Variants in ZMYND12 observed in about 807,000 individuals in gnomAD.
The protein encoded by ZMYND12 is zinc finger MYND domain-containing protein 12.
A neutral mutation model predicts 41.7 loss-of-function variants in ZMYND12; 32 were observed. That is an observed-to-expected ratio of 0.77 (90% CI 0.58 to 1.03). The LOEUF (loss-of-function observed/expected upper bound fraction) is 1.03, where lower values mean the gene tolerates loss of function less well. Ranked by LOEUF, ZMYND12 falls within the 50% of genes least tolerant of loss-of-function variation. ZMYND12 has a pLI of 0.00. For missense variants in ZMYND12, 424 were observed against 438.5 expected, an observed-to-expected ratio of 0.97 and a Z score of 0.30; for synonymous variants, 148 against 164.8, an observed-to-expected ratio of 0.90 and a Z score of 0.78.
At chr1:42,453,113 C>A (rs1643099927) in intron 1 of ZMYND12, among the ~76,000 whole-genome samples, 1 of 152,086 alleles carries the variant, frequency 6.6e-6, no homozygotes, top group Non-Finnish European at 1.5e-5. Context: ...ATTCGACCAT[C>A]AAAACCTATA....
In ZMYND12 at chr1:42,439,953, C is replaced by T; in HGVS notation, c.497G>A (p.Cys166Tyr). ...CAGTAAAGAGTGGGTGGCATTACTACAGTCAGTTGATTTGAGGACTGTCCA... is the reference window on the plus strand; with the variant it reads ...CAGTAAAGAGTGGGTGGCATTACTATAGTCAGTTGATTTGAGGACTGTCCA... ...AQWTVLKSTD[C>Y]SNATHSLLHR... is the part of the protein sequence containing the mutation. The change falls in exon 4 of 8, where the codon TGT becomes TAT. Residue 166 changes from cysteine (C) to tyrosine (Y), a missense_variant. Coordinates refer to ENST00000372565, the MANE Select transcript of ZMYND12 (RefSeq NM_032257.5). The T allele has an allele frequency of 6.2e-7, 1 of 1,614,072 alleles. No homozygotes were observed. The highest frequency in any genetic ancestry group is 8.5e-7 in the Non-Finnish European group (1 of 1,180,016).
chr1:42,432,332 GA>G (rs1457489400), intron 7 of ZMYND12, among the ~76,000 whole-genome samples: 4 of 151,988 alleles, frequency 2.6e-5, no homozygotes, highest in Non-Finnish European at 1.5e-5. Context: ...AAAGTACTGG[GA>G]ATACAGTCAT....
intron 3 of ZMYND12, among the ~76,000 whole-genome samples, chr1:42,441,532 A>G (rs115918027): frequency 0.048 from 7,344 of 152,300 alleles, 262 homozygotes; most frequent in East Asian, 0.13. Flanking sequence ...CTATGTAAAT[A>G]GTTGTTCTAC....
chr1:42,454,647 C>T (rs1292339437), intron 1 of ZMYND12, among the ~76,000 whole-genome samples: 2 of 152,124 alleles, frequency 1.3e-5, no homozygotes, highest in African/African-American at 4.8e-5. Flanking sequence ...CACTGTCTAG[C>T]CCTAACCTTT....
chr1:42,440,361 C>A (rs1266712587), intron 3 of ZMYND12, among the ~76,000 whole-genome samples: 1 of 152,138 alleles, frequency 6.6e-6, no homozygotes, highest in East Asian at 1.9e-4. Flanking sequence ...TTTGAAAACA[C>A]TATACTAAGT....
chr1:42,444,802 C>CTTTTTT (rs34129195), intron 3 of ZMYND12, among the ~76,000 whole-genome samples: 2 of 124,568 alleles, frequency 1.6e-5, no homozygotes, highest in East Asian at 2.3e-4. Flanking sequence ...AGGAGTAGTT[C>CTTTTTT]TTTTTTTTTT....
rs754138603 is a variant in ZMYND12, at chr1:42,455,903, G to A, written c.95C>T (p.Thr32Ile). The A allele has an allele frequency of 5.0e-6, 8 of 1,613,046 alleles. No individual in the cohort carries two copies. In the African/African-American group the frequency reaches 6.7e-5, roughly 13 times the overall value. The change falls in exon 1 of 8, where the codon ACA (threonine) becomes ATA (isoleucine). Residue 32 changes from threonine to isoleucine, a missense_variant. By Grantham distance (89) the Thr-to-Ile change is moderately conservative. Transcript: ENST00000372565. ...CAGGGCCTACCAGTAATAAGTGACT[G>A]TGCAGGCCGCGCACACCCGCTCGGC... ...APAERVCAAC[T>I]VTYYCGVVHQ...
chr1:42,432,610 G>A (rs1642865165), intron 7 of ZMYND12, among the ~76,000 whole-genome samples: 2 of 152,116 alleles, frequency 1.3e-5, no homozygotes, highest in Admixed American at 6.5e-5. Flanking sequence ...ATTGGGCAAA[G>A]AATTGACCCT....
chr1:42,441,049 C>T (rs1298265188), intron 3 of ZMYND12, among the ~76,000 whole-genome samples: 1 of 151,894 alleles, frequency 6.6e-6, no homozygotes, highest in African/African-American at 2.4e-5. Flanking sequence ...TATTTAATAC[C>T]CTTTCTGTGC....
chr1:42,446,526 C>A (rs1276416180), intron 3 of ZMYND12, among the ~76,000 whole-genome samples: 1 of 151,994 alleles, frequency 6.6e-6, no homozygotes, highest in Non-Finnish European at 1.5e-5. Flanking sequence ...GTGGCACACA[C>A]CTGTTGTCCC....
intron 4 of ZMYND12, among the ~76,000 whole-genome samples, chr1:42,437,476 G>A (rs1642920132): frequency 7.5e-6 from 1 of 133,522 alleles, no homozygotes; most frequent in Non-Finnish European, 1.7e-5. Context: ...GTGTGTGTGT[G>A]TGTTTAAAAA....
intron 4 of ZMYND12, among the ~76,000 whole-genome samples, chr1:42,437,576 C>T (rs750243608): frequency 6.6e-5 from 10 of 150,948 alleles, no homozygotes; most frequent in Non-Finnish European, 1.3e-4. Flanking sequence ...TGCAGTGGTG[C>T]GATCTTGGCT....
intron 4 of ZMYND12, among the ~76,000 whole-genome samples, chr1:42,438,200 G>A (rs886700259): frequency 6.6e-6 from 1 of 152,312 alleles, no homozygotes; most frequent in Admixed American, 6.5e-5. Flanking sequence ...GAAACACAAA[G>A]AATTGTATTA....
At chr1:42,430,933 A>G in intron 7 of ZMYND12, 75 bp from the exon 8 acceptor site, 1 of 1,582,630 alleles carries the variant, frequency 6.3e-7, no homozygotes. Context: ...TCTGTGCTCA[A>G]CTCCAGAAAC....
chr1:42,433,410 T>C (rs1642875558), intron 6 of ZMYND12, 122 bp from the exon 7 acceptor site: 5 of 1,152,344 alleles, frequency 4.3e-6, no homozygotes, highest in Non-Finnish European at 3.5e-6. Flanking sequence ...CTGGTGGAAA[T>C]AGCACCAATT....
intron 3 of ZMYND12, among the ~76,000 whole-genome samples, chr1:42,448,176 G>A (rs566496409): frequency 2.6e-5 from 4 of 152,168 alleles, no homozygotes; most frequent in Non-Finnish European, 4.4e-5. Context: ...AAGAGAGAAC[G>A]AAAGGCACTC....
chr1:42,449,575 G>A (rs1156864978), intron 2 of ZMYND12, among the ~76,000 whole-genome samples: 2 of 152,210 alleles, frequency 1.3e-5, no homozygotes, highest in African/African-American at 4.8e-5. Flanking sequence ...TAGGAAGGCA[G>A]CCATCTGAAA....
intron 3 of ZMYND12, among the ~76,000 whole-genome samples, chr1:42,447,112 A>G (rs140958368): frequency 6.4e-4 from 97 of 152,372 alleles, no homozygotes; most frequent in African/African-American, 2.3e-3. Flanking sequence ...TGAAATGAAA[A>G]TTAAAGTTAT....
chr1:42,448,993 C>T (rs886691116), intron 2 of ZMYND12, among the ~76,000 whole-genome samples: 6 of 152,192 alleles, frequency 3.9e-5, no homozygotes, highest in African/African-American at 1.4e-4. Context: ...AAACTTTCTG[C>T]CTTCCTAGTT....
Sources: gnomAD v4.1 joint callset for allele counts (sites outside exome capture counted in the v4.1 genomes callset) on GRCh38, gnomAD v4.1.1 for gene constraint, MANE v1.5 for transcripts, NCBI Gene and HGNC (gene_info 2026-07-23, HGNC 2026-07-21) for gene names.